GABRA2: variants seen among roughly 807,000 people sequenced by gnomAD.
GABRA2 encodes gamma-aminobutyric acid receptor subunit alpha-2.
A neutral mutation model predicts 48.7 loss-of-function variants in GABRA2; 16 were observed. That is an observed-to-expected ratio of 0.33 (90% CI 0.22 to 0.50). GABRA2 has a LOEUF of 0.50. Among genes scored for constraint, GABRA2 ranks in the 20% least tolerant of loss-of-function variants. The probability of loss-of-function intolerance (pLI) is 0.98; values close to 1 mark genes in which losing one functional copy is unlikely to be tolerated. For missense variants in GABRA2, 275 were observed against 535.6 expected (o/e 0.51, Z 4.80); for synonymous variants, 185 against 184.5 (o/e 1.00, Z -0.02).
At chr4:46,301,300 A>G (rs61612252) in intron 8 of GABRA2, among the ~76,000 whole-genome samples, 301 of 152,330 alleles carry the variant, frequency 2.0e-3, no homozygotes, top group African/African-American at 6.7e-3. Flanking sequence ...TTACATGTCA[A>G]TCAACCTCAA....
chr4:46,338,015 G>C (rs140701732), intron 3 of GABRA2, among the ~76,000 whole-genome samples: 1 of 151,918 alleles, frequency 6.6e-6, no homozygotes, highest in East Asian at 1.9e-4. Context: ...AATCCTTTCT[G>C]TAAATGATTG....
intron 4 of GABRA2, among the ~76,000 whole-genome samples, chr4:46,325,362 T>C (rs1730178244): frequency 6.6e-6 from 1 of 152,088 alleles, no homozygotes; most frequent in Admixed American, 6.6e-5. Context: ...TTTCATATGC[T>C]TGTTGCCTCC....
At chr4:46,279,337 ATATT>A (rs1305111470) in intron 8 of GABRA2, among the ~76,000 whole-genome samples, 2 of 152,112 alleles carry the variant, frequency 1.3e-5, no homozygotes, top group East Asian at 3.8e-4. Context: ...AAGCCAATTT[ATATT>A]TATTTATCTA....
chr4:46,305,622 G>A lies in GABRA2; in HGVS notation c.649C>T (p.Gln217Ter). Residue 217 changes from glutamine (Q) to a stop codon, truncating the protein, a stop_gained, in exon 7 of 10, where the codon CAA becomes TAA. Coordinates refer to ENST00000381620, the MANE Select transcript of GABRA2 (RefSeq NM_000807.4). LOFTEE classifies it high-confidence loss of function. ...QVAPDGSRLN[Q>*]YDLLGQSIGK... is the part of the protein sequence containing the mutation. ...ATTGATTGGCCCAGCAGGTCATATTGATTTAACCTAGAGCCATCAGGAGCA... is the reference window on the plus strand; with the variant it reads ...ATTGATTGGCCCAGCAGGTCATATTAATTTAACCTAGAGCCATCAGGAGCA... 1 of 1,613,808 alleles carries A rather than the reference G, an allele frequency of 6.2e-7. No homozygotes were observed. Among genetic ancestry groups the A allele is most frequent in the Non-Finnish European group, 8.5e-7 (1 of 1,179,828 alleles).
At chr4:46,361,080 T>C (rs1713103302) in intron 3 of GABRA2, among the ~76,000 whole-genome samples, 2 of 152,112 alleles carry the variant, frequency 1.3e-5, no homozygotes, top group African/African-American at 4.8e-5. Context: ...AGCCTGACAA[T>C]GCAATAGAAA....
At chr4:46,347,256 T>C (rs1214663047) in intron 3 of GABRA2, among the ~76,000 whole-genome samples, 2 of 151,880 alleles carry the variant, frequency 1.3e-5, no homozygotes, top group African/African-American at 2.4e-5. Flanking sequence ...AAAACTTGTA[T>C]AAAATGACAA....
intron 9 of GABRA2, chr4:46,261,006 A>C (rs961092860): frequency 2.6e-5 from 4 of 151,980 alleles, no homozygotes; most frequent in African/African-American, 9.7e-5. Flanking sequence ...ATGTTAATCC[A>C]AATTTAATAA....
intron 3 of GABRA2, among the ~76,000 whole-genome samples, chr4:46,379,723 C>G (rs1326753006): frequency 2.0e-5 from 3 of 152,184 alleles, no homozygotes; most frequent in African/African-American, 4.8e-5. Flanking sequence ...TCTGAAGGAG[C>G]ATCAGCCTTG....
intron 4 of GABRA2, among the ~76,000 whole-genome samples, chr4:46,314,222 C>T (rs1452151227): frequency 6.6e-6 from 1 of 151,988 alleles, no homozygotes; most frequent in Non-Finnish European, 1.5e-5. Flanking sequence ...ACTGGGATTC[C>T]TCAAATACTA....
At chr4:46,256,371 G>T in intron 9 of GABRA2, 1 of 629,126 alleles carries the variant, frequency 1.6e-6, no homozygotes, top group Non-Finnish European at 2.9e-6. Flanking sequence ...TTTATTGAAG[G>T]GGACTACAAG....
At chr4:46,369,913 G>A (rs1714624795) in intron 3 of GABRA2, among the ~76,000 whole-genome samples, 1 of 152,036 alleles carries the variant, frequency 6.6e-6, no homozygotes, top group Non-Finnish European at 1.5e-5. Flanking sequence ...CCTAAAAATA[G>A]GAAAATGTGG....
At chr4:46,306,713 G>A (rs1198527281) in intron 6 of GABRA2, among the ~76,000 whole-genome samples, 2 of 151,990 alleles carry the variant, frequency 1.3e-5, no homozygotes, top group Non-Finnish European at 2.9e-5. Context: ...GGAGAGAAAG[G>A]GCCAGTTGTC....
chr4:46,319,607 G>T (rs1195316872), intron 4 of GABRA2, among the ~76,000 whole-genome samples: 1 of 151,672 alleles, frequency 6.6e-6, no homozygotes, highest in Admixed American at 6.6e-5. Flanking sequence ...TCAGCAAAGG[G>T]CCAGTAAACC....
chr4:46,293,543 T>C (rs1724072192), intron 8 of GABRA2, among the ~76,000 whole-genome samples: 1 of 152,226 alleles, frequency 6.6e-6, no homozygotes, highest in Admixed American at 6.5e-5. Flanking sequence ...TTTTAACTGA[T>C]GTCTGACTAC....
chr4:46,259,194 G>A (rs1716448867), intron 9 of GABRA2, among the ~76,000 whole-genome samples: 1 of 151,844 alleles, frequency 6.6e-6, no homozygotes, highest in African/African-American at 2.4e-5. Flanking sequence ...GAAAGAATTT[G>A]TATTGAGCAA....
intron 3 of GABRA2, among the ~76,000 whole-genome samples, chr4:46,342,137 A>C (rs979649462): frequency 8.5e-5 from 13 of 152,080 alleles, no homozygotes; most frequent in African/African-American, 2.7e-4. Context: ...TGGAGAATGC[A>C]GAAAAGAAGA....
chr4:46,250,085 CT>C lies in GABRA2; in HGVS notation c.*222del, dbSNP rs1407050967. On this transcript the variant is annotated 3_prime_UTR_variant, in exon 10 of 10. Transcript: ENST00000381620. ...CTTTAAATCAGGTCCTAGGGTAAATCTTTAAAAAAGGCAATGGCTGTTTTCG... is the reference window on the plus strand; with the variant it reads ...CTTTAAATCAGGTCCTAGGGTAAATCTTAAAAAAGGCAATGGCTGTTTTCG... The C allele has an allele frequency of 1.1e-5, 5 of 472,152 alleles. No individual in the cohort carries two copies. Among genetic ancestry groups the C allele is most frequent in the African/African-American group, 2.0e-5 (1 of 50,694 alleles). 29.2% of individuals were successfully genotyped at this position (472,152 alleles called of 1,614,324 possible).
intron 8 of GABRA2, among the ~76,000 whole-genome samples, chr4:46,268,121 G>A (rs1032532679): frequency 2.0e-5 from 3 of 151,874 alleles, no homozygotes; most frequent in Admixed American, 6.6e-5. Flanking sequence ...AAAGAAAAAG[G>A]TATATGACAT....
rs115848725 is a variant in GABRA2, at chr4:46,334,180, C to T, written c.188-1498G>A. 5.5e-3 allele frequency among the ~76,000 whole-genome samples: 830 copies of T among 152,098 alleles called. 6 individuals carry two copies. The highest frequency in any genetic ancestry group is 8.4e-3 in the Non-Finnish European group (572 of 67,968). On this transcript the variant is annotated intron_variant, in intron 3 of 9. Coordinates refer to ENST00000381620, the MANE Select transcript of GABRA2 (RefSeq NM_000807.4). ...CTGTGTATACAAAGTACCATAGGAC[C>T]CTGAGTTCAGAAAAGTCCCATGCTT...
Sources: gnomAD v4.1 joint callset for allele counts (sites outside exome capture counted in the v4.1 genomes callset) on GRCh38, gnomAD v4.1.1 for gene constraint, MANE v1.5 for transcripts, NCBI Gene and HGNC (gene_info 2026-07-23, HGNC 2026-07-21) for gene names.